Variants in RALYL observed in about 807,000 individuals in gnomAD.
RALYL encodes RALY RNA binding protein like.
Under a neutral mutation model 35.1 loss-of-function variants are expected in RALYL, and 29 were observed. The observed-to-expected ratio is 0.83, with a 90% CI of 0.61 to 1.13. The LOEUF is 1.13. Ranked by LOEUF, RALYL falls within the 50% of genes most tolerant of loss-of-function variation. RALYL has a pLI of 0.00. For synonymous variants in RALYL, 120 were observed against 127.6 expected (o/e 0.94, Z 0.40); for missense variants, 359 against 360.4 (o/e 1.00, Z 0.03).
At chr8:84,717,748 A>G (rs115045633) in intron 2 of RALYL, among the ~76,000 whole-genome samples, 2,525 of 152,292 alleles carry the variant, frequency 0.017, 70 homozygotes, top group African/African-American at 0.057. Flanking sequence ...TTATTTCATT[A>G]TTCTTTGTAA....
chr8:84,199,860 A>G (rs911921327), intron 1 of RALYL, among the ~76,000 whole-genome samples: 7 of 152,102 alleles, frequency 4.6e-5, no homozygotes, highest in South Asian at 2.1e-4. Flanking sequence ...TTGAAATTTA[A>G]TCTCAGAGGT....
At chr8:84,748,301 A>T (rs1463391106) in intron 2 of RALYL, among the ~76,000 whole-genome samples, 1 of 152,136 alleles carries the variant, frequency 6.6e-6, no homozygotes, top group East Asian at 1.9e-4. Context: ...TGTCAAATAA[A>T]ATGTGCAGCT....
chr8:84,205,002 A>AAGT (rs2131063909), intron 1 of RALYL, among the ~76,000 whole-genome samples: 1 of 152,292 alleles, frequency 6.6e-6, no homozygotes, highest in East Asian at 1.9e-4. Flanking sequence ...GCTAGTAACT[A>AAGT]GCAGAGCTAA....
intron 1 of RALYL, among the ~76,000 whole-genome samples, chr8:84,437,703 G>A (rs1017640699): frequency 3.9e-5 from 6 of 152,116 alleles, no homozygotes; most frequent in African/African-American, 1.2e-4. Flanking sequence ...TTTAGATCAT[G>A]AAGATAGATC....
intron 4 of RALYL, among the ~76,000 whole-genome samples, chr8:84,815,932 G>A (rs1420869655): frequency 6.6e-6 from 1 of 150,878 alleles, no homozygotes; most frequent in African/African-American, 2.4e-5. Flanking sequence ...TACTCGGGAG[G>A]TTGAGGCAGC....
chr8:84,265,850 A>C (rs1181059675), intron 1 of RALYL, among the ~76,000 whole-genome samples: 1 of 152,194 alleles, frequency 6.6e-6, no homozygotes, highest in African/African-American at 2.4e-5. Flanking sequence ...ATTTTTTATC[A>C]AGATGAGATA....
intron 1 of RALYL, among the ~76,000 whole-genome samples, chr8:84,402,472 T>TA (rs2043012138): frequency 6.6e-6 from 1 of 152,190 alleles, no homozygotes; most frequent in East Asian, 1.9e-4. Flanking sequence ...GAGCTTCTCT[T>TA]AAAAAAATTA....
chr8:84,575,593 T>G (rs1480749042), intron 2 of RALYL, among the ~76,000 whole-genome samples: 1 of 152,184 alleles, frequency 6.6e-6, no homozygotes, highest in Non-Finnish European at 1.5e-5. Flanking sequence ...AAAGGCTCAT[T>G]CTTAATGCAC....
At chr8:84,690,602 A>G (rs1341632280) in intron 2 of RALYL, among the ~76,000 whole-genome samples, 2 of 152,150 alleles carry the variant, frequency 1.3e-5, no homozygotes, top group Non-Finnish European at 2.9e-5. Flanking sequence ...ACAATTATAA[A>G]TTGTAAATAT....
intron 1 of RALYL, among the ~76,000 whole-genome samples, chr8:84,267,332 C>T (rs1833526276): frequency 6.6e-6 from 1 of 152,134 alleles, no homozygotes; most frequent in Non-Finnish European, 1.5e-5. Context: ...CCTCTAACAC[C>T]TGAAGCATGC....
At chr8:84,682,105 C>T (rs1588975266) in intron 2 of RALYL, among the ~76,000 whole-genome samples, 2 of 151,976 alleles carry the variant, frequency 1.3e-5, no homozygotes, top group South Asian at 4.1e-4. Context: ...GATCATGTGG[C>T]TTTTGTCTTT....
intron 2 of RALYL, among the ~76,000 whole-genome samples, chr8:84,716,338 T>C (rs1842941280): frequency 6.6e-6 from 1 of 152,194 alleles, no homozygotes. Context: ...TTAATTTTTA[T>C]TTAATTTATA....
chr8:84,433,397 A>G (rs1482040176), intron 1 of RALYL, among the ~76,000 whole-genome samples: 1 of 152,224 alleles, frequency 6.6e-6, no homozygotes, highest in Non-Finnish European at 1.5e-5. Flanking sequence ...GGAGAGAATT[A>G]TATTTTATAG....
chr8:84,644,264 C>T (rs1488347230), intron 2 of RALYL, among the ~76,000 whole-genome samples: 6 of 151,866 alleles, frequency 4.0e-5, no homozygotes, highest in African/African-American at 9.7e-5. Context: ...GACTCTTTAG[C>T]CTAAAACAAT....
rs1848942440 is a variant in RALYL, at chr8:84,342,277, A to ATATATATATATATATATATATATATAT, written c.-24+157853_-24+157854insTATATATATATATATATATATATATAT. On this transcript the variant is annotated intron_variant, in intron 1 of 8. Transcript: ENST00000521268. ...TGAGTGAGGGTACAGAGCATCGTTC[A>ATATATATATATATATATATATATATAT]ATATATATATATATATATAAAACTC... Among the ~76,000 whole-genome samples the ATATATATATATATATATATATATATAT allele has an allele frequency of 1.2e-4, 8 of 66,140 alleles. 1 individual carries two copies. The highest frequency in any genetic ancestry group is 3.0e-4 in the African/African-American group (4 of 13,342). 43.4% of individuals were successfully genotyped at this position (66,140 alleles called of 152,430 possible). A position where few individuals can be genotyped will look rare whatever the true frequency, so the allele number is the denominator to read the frequency against.
intron 4 of RALYL, among the ~76,000 whole-genome samples, chr8:84,833,344 AT>A (rs1218845166): frequency 3.3e-5 from 5 of 152,128 alleles, no homozygotes; most frequent in Non-Finnish European, 7.4e-5. Context: ...GCCAATTAAG[AT>A]TTCATTATCT....
intron 1 of RALYL, among the ~76,000 whole-genome samples, chr8:84,502,963 C>T (rs903329434): frequency 6.0e-5 from 9 of 149,140 alleles, no homozygotes; most frequent in South Asian, 4.3e-4. Flanking sequence ...AGAATAAACC[C>T]GAAAGAAGGT....
chr8:84,446,146 T>G (rs1193395789), intron 1 of RALYL, among the ~76,000 whole-genome samples: 2 of 152,044 alleles, frequency 1.3e-5, no homozygotes, highest in Non-Finnish European at 2.9e-5. Context: ...TTGATATGTG[T>G]GCTTATATTT....
At chr8:84,596,662 A>G (rs144086229) in intron 2 of RALYL, among the ~76,000 whole-genome samples, 345 of 152,244 alleles carry the variant, frequency 2.3e-3, no homozygotes, top group African/African-American at 5.1e-3. Context: ...TACTTTTCTC[A>G]GTGTCTGTGG....
Sources: allele counts gnomAD v4.1 joint callset (sites outside exome capture counted in the v4.1 genomes callset), GRCh38; gene constraint gnomAD v4.1.1; transcripts MANE v1.5; gene names NCBI Gene and HGNC (gene_info 2026-07-23, HGNC 2026-07-21).